The following HNRNPC variants were observed in gnomAD, a reference collection of about 807,000 sequenced individuals.
HNRNPC encodes heterogeneous nuclear ribonucleoproteins C1/C2.
Under a neutral mutation model 33.2 loss-of-function variants are expected in HNRNPC, and 3 were observed. That is an observed-to-expected ratio of 0.09 (90% CI 0.04 to 0.23). The LOEUF (loss-of-function observed/expected upper bound fraction) is 0.23. Among genes scored for constraint, HNRNPC ranks in the 10% least tolerant of loss-of-function variants. The probability of loss-of-function intolerance (pLI) is 1.00; values close to 1 mark genes in which losing one functional copy is unlikely to be tolerated. For synonymous variants in HNRNPC, 121 were observed against 126.7 expected, an observed-to-expected ratio of 0.96 and a Z score of 0.30; for missense variants, 143 against 366.7, an observed-to-expected ratio of 0.39 and a Z score of 4.98.
chr14:21,236,231 A>G (rs148162658), intron 2 of HNRNPC: 27 of 152,310 alleles, frequency 1.8e-4, no homozygotes, highest in Admixed American at 1.1e-3. Context: ...AATGGTTGTT[A>G]TGAGTTTAAG....
intron 2 of HNRNPC, among the ~76,000 whole-genome samples, chr14:21,235,248 T>G (rs1342621490): frequency 2.0e-5 from 3 of 150,226 alleles, no homozygotes; most frequent in Non-Finnish European, 3.0e-5. Context: ...AAAACATTCT[T>G]AAGATTGATT....
In HNRNPC at chr14:21,210,425, A is replaced by G. The variant is rs1378120314; in HGVS notation, c.*798T>C. 1 of 152,540 alleles carries G rather than the reference A, an allele frequency of 6.6e-6. No individual in the cohort carries two copies. The highest frequency in any genetic ancestry group is 1.5e-5 in the Non-Finnish European group (1 of 68,046). 9.4% of individuals were successfully genotyped at this position (152,540 alleles called of 1,614,324 possible). A position where few individuals can be genotyped will look rare whatever the true frequency, so the allele number is the denominator to read the frequency against. Reference sequence around the variant, plus strand: ...ATAATTTGAGTAGTGTTGTGTTGGTATGCATCATGATTATGACTCCAAGAA... The same window carrying G: ...ATAATTTGAGTAGTGTTGTGTTGGTGTGCATCATGATTATGACTCCAAGAA... On this transcript the variant is annotated 3_prime_UTR_variant, in exon 9 of 9. Coordinates refer to ENST00000553300, the MANE Select transcript of HNRNPC (RefSeq NM_004500.4).
Position 21,260,361 on chromosome 14 carries a change from G to C in HNRNPC, c.-37+2950C>G, listed in dbSNP as rs868588269. 9.1e-3 allele frequency among the ~76,000 whole-genome samples: 1,140 copies of C among 124,926 alleles called. 19 individuals carry two copies. Among genetic ancestry groups the C allele is most frequent in the African/African-American group, 0.037 (1,088 of 29,640 alleles). The allele number at this position is 124,926 out of a possible 152,430, so 82.0% of individuals were successfully genotyped here. ...AGTCTAGGTGACAGAGCGAGACTCC[G>C]TCTTATTTAAAAAAAAAAAAAAAAA... On this transcript the variant is annotated intron_variant, in intron 2 of 8. Transcript: ENST00000553300.
At chr14:21,253,902 A>C (rs1896943810) in intron 2 of HNRNPC, among the ~76,000 whole-genome samples, 2 of 150,162 alleles carry the variant, frequency 1.3e-5, no homozygotes, top group South Asian at 4.2e-4. Context: ...CGTCTCTACC[A>C]AAAAAAAATT....
chr14:21,242,997 T>C (rs1895537569), intron 2 of HNRNPC, among the ~76,000 whole-genome samples: 1 of 152,074 alleles, frequency 6.6e-6, no homozygotes, highest in Admixed American at 6.6e-5. Flanking sequence ...TGGTGGCACA[T>C]ACCTGTAGTC....
chr14:21,249,241 C>A (rs1451138498), intron 2 of HNRNPC, among the ~76,000 whole-genome samples: 2 of 152,028 alleles, frequency 1.3e-5, no homozygotes, highest in Non-Finnish European at 2.9e-5. Flanking sequence ...AAACTGGGCC[C>A]TTCTCTTCCC....
At chr14:21,228,077 G>GA in intron 5 of HNRNPC, among the ~76,000 whole-genome samples, 1 of 152,280 alleles carries the variant, frequency 6.6e-6, no homozygotes, top group Non-Finnish European at 1.5e-5. Flanking sequence ...ATCCCTATAG[G>GA]AGAAGCTGGC....
chr14:21,221,209 T>C (rs1892792621), intron 5 of HNRNPC, among the ~76,000 whole-genome samples: 1 of 152,212 alleles, frequency 6.6e-6, no homozygotes. Flanking sequence ...ACAGATGACT[T>C]TCTCCTATTT....
At chr14:21,221,686 G>C (rs954927140) in intron 5 of HNRNPC, among the ~76,000 whole-genome samples, 1 of 152,028 alleles carries the variant, frequency 6.6e-6, no homozygotes, top group Non-Finnish European at 1.5e-5. Flanking sequence ...AATATATAAC[G>C]AATCCTACAA....
chr14:21,223,955 A>G (rs549007776), intron 5 of HNRNPC, among the ~76,000 whole-genome samples: 2 of 152,238 alleles, frequency 1.3e-5, no homozygotes, highest in South Asian at 4.1e-4. Flanking sequence ...CACCTCTGAG[A>G]GTCATCTGTT....
intron 5 of HNRNPC, among the ~76,000 whole-genome samples, chr14:21,224,937 G>A (rs1169271579): frequency 6.6e-6 from 1 of 152,048 alleles, no homozygotes; most frequent in Non-Finnish European, 1.5e-5. Flanking sequence ...CTTATATACT[G>A]TATTACTAGT....
At chr14:21,266,954 G>A (rs1408976741) in intron 1 of HNRNPC, among the ~76,000 whole-genome samples, 1 of 151,706 alleles carries the variant, frequency 6.6e-6, no homozygotes, top group Non-Finnish European at 1.5e-5. Context: ...AGCCCGGTGC[G>A]GTGGCACACG....
chr14:21,252,946 C>G (rs1437348568), intron 2 of HNRNPC, among the ~76,000 whole-genome samples: 4 of 151,858 alleles, frequency 2.6e-5, no homozygotes, highest in African/African-American at 9.7e-5. Flanking sequence ...GAGGCCGAGG[C>G]CGGCAGATCA....
chr14:21,261,387 T>C (rs1314453281), intron 2 of HNRNPC, among the ~76,000 whole-genome samples: 1 of 152,134 alleles, frequency 6.6e-6, no homozygotes, highest in Non-Finnish European at 1.5e-5. Context: ...TCTCATACAA[T>C]AGAGAGCATC....
At chr14:21,221,806 T>C (rs1002996607) in intron 5 of HNRNPC, among the ~76,000 whole-genome samples, 34 of 152,054 alleles carry the variant, frequency 2.2e-4, no homozygotes, top group African/African-American at 8.0e-4. Context: ...TCTCAGCACT[T>C]TGAGGCCGAG....
At chr14:21,231,257 G>C (rs765211835) in intron 3 of HNRNPC, 185 bp from the exon 4 acceptor site, 46 of 680,798 alleles carry the variant, frequency 6.8e-5, no homozygotes, top group African/African-American at 6.0e-4. Flanking sequence ...CCTCAGCCTC[G>C]AGAGTAACTG....
At position 21,210,947 on chromosome 14, in the gene HNRNPC, A is replaced by T; in HGVS notation, c.*276T>A. ...TTTGGAGACAGTTGATAAAAACCAT[A>T]CATCCTTTTTATTGTTAAGTCATAA... On this transcript the variant is annotated 3_prime_UTR_variant, in exon 9 of 9. Transcript: ENST00000553300. The T allele has an allele frequency of 4.3e-6, 2 of 459,974 alleles. No individual in the cohort carries two copies. The highest frequency in any genetic ancestry group is 7.8e-6 in the Non-Finnish European group (2 of 256,964). The allele number at this position is 459,974 out of a possible 1,614,324, so 28.5% of individuals were successfully genotyped here.
At chr14:21,233,037 A>C (rs1018048593) in intron 3 of HNRNPC, among the ~76,000 whole-genome samples, 3 of 137,224 alleles carry the variant, frequency 2.2e-5, no homozygotes, top group Non-Finnish European at 4.6e-5. Flanking sequence ...ACTCTGTCTC[A>C]AAAAAAAAAA....
chr14:21,220,677 G>A lies in HNRNPC; in HGVS notation c.366-7560C>T, dbSNP rs180834459. 2.6e-5 allele frequency among the ~76,000 whole-genome samples: 4 copies of A among 152,070 alleles called. No homozygotes were observed. In the East Asian group the frequency reaches 5.8e-4, roughly 22 times the overall value. ...CACAATCAACAACGTGTAACAAACC[G>A]AACCCTATCTATGTAATAGCTGAAA... On this transcript the variant is annotated intron_variant, in intron 5 of 8. Coordinates refer to ENST00000553300, the MANE Select transcript of HNRNPC (RefSeq NM_004500.4).
Sources: allele counts gnomAD v4.1 joint callset (sites outside exome capture counted in the v4.1 genomes callset), GRCh38; gene constraint gnomAD v4.1.1; transcripts MANE v1.5; gene names NCBI Gene and HGNC (gene_info 2026-07-23, HGNC 2026-07-21).